The following TBC1D9 variants were observed in gnomAD, a reference collection of about 807,000 sequenced individuals.
TBC1D9 encodes the protein TBC1 domain family member 9A.
In TBC1D9, 63 loss-of-function variants were observed where a neutral mutation model predicts 132.0. The observed-to-expected ratio is 0.48, with a 90% CI of 0.39 to 0.59. The LOEUF (loss-of-function observed/expected upper bound fraction) is 0.59. TBC1D9 is among the 20% of genes least tolerant of loss of function. TBC1D9 has a pLI of 0.00. For synonymous variants in TBC1D9, 610 were observed against 609.9 expected (o/e 1.00, Z 0.00); for missense variants, 1,261 against 1,592.7 (o/e 0.79, Z 3.54).
At chr4:140,642,675 C>T in intron 13 of TBC1D9, 1 of 677,888 alleles carries the variant, frequency 1.5e-6, no homozygotes, top group South Asian at 1.9e-5. Context: ...CTCTCCCTGG[C>T]TTTCCCTGTT....
chr4:140,677,932 C>T (rs538562328), intron 5 of TBC1D9, among the ~76,000 whole-genome samples: 1 of 152,156 alleles, frequency 6.6e-6, no homozygotes, highest in Admixed American at 6.5e-5. Flanking sequence ...TCTCTATGTC[C>T]CTTCCTGTCT....
intron 2 of TBC1D9, among the ~76,000 whole-genome samples, chr4:140,693,632 G>A (rs1013423195): frequency 2.0e-5 from 3 of 152,182 alleles, no homozygotes; most frequent in Admixed American, 6.6e-5. Flanking sequence ...ATCATAAGCA[G>A]CAGAACACAA....
chr4:140,724,346 C>T (rs983852358), intron 1 of TBC1D9, among the ~76,000 whole-genome samples: 16 of 152,150 alleles, frequency 1.1e-4, no homozygotes, highest in Non-Finnish European at 2.1e-4. Context: ...AGCACCAGCT[C>T]CCTGAAGCTA....
intron 2 of TBC1D9, among the ~76,000 whole-genome samples, chr4:140,694,074 T>A (rs527932408): frequency 7.2e-5 from 11 of 152,224 alleles, no homozygotes; most frequent in Non-Finnish European, 1.3e-4. Context: ...GCTATTTTAA[T>A]TATATGTATA....
At chr4:140,634,414 G>T (rs912307464) in intron 15 of TBC1D9, among the ~76,000 whole-genome samples, 1 of 152,088 alleles carries the variant, frequency 6.6e-6, no homozygotes, top group South Asian at 2.1e-4. Context: ...CATCTGGAAG[G>T]TCTGCTTCAA....
At chr4:140,727,806 TAA>T (rs879885577) in intron 1 of TBC1D9, among the ~76,000 whole-genome samples, 4 of 144,350 alleles carry the variant, frequency 2.8e-5, no homozygotes, top group Admixed American at 7.0e-5. Flanking sequence ...GCCAGGAAGT[TAA>T]AAAAAAAAAG....
chr4:140,737,111 G>T (rs191811876), intron 1 of TBC1D9, among the ~76,000 whole-genome samples: 2 of 152,098 alleles, frequency 1.3e-5, no homozygotes, highest in African/African-American at 4.8e-5. Flanking sequence ...CCTTGCATGC[G>T]CAGTGCACAG....
rs968968343 is a variant in TBC1D9 at position 140,737,771 on chromosome 4, C to T, written c.130+18145G>A. Among the ~76,000 whole-genome samples, 6 of 152,154 alleles carry T rather than the reference C, an allele frequency of 3.9e-5. No homozygotes were observed. In the South Asian group the frequency reaches 1.0e-3, roughly 26 times the overall value. On this transcript the variant is annotated intron_variant, in intron 1 of 20. Transcript: ENST00000442267. ...AGCACAATACTAAATCCCTGAAAAT[C>T]GCTTTGGTGGAAAATTTGGAGTTGA...
chr4:140,667,313 G>T (rs1737463311), intron 9 of TBC1D9, among the ~76,000 whole-genome samples: 1 of 152,188 alleles, frequency 6.6e-6, no homozygotes, highest in African/African-American at 2.4e-5. Context: ...TTATCTCTGA[G>T]ATAGGGCTGT....
chr4:140,698,750 G>C (rs1283339773), intron 2 of TBC1D9, among the ~76,000 whole-genome samples: 1 of 150,392 alleles, frequency 6.6e-6, no homozygotes. Flanking sequence ...GGGTGGGGGG[G>C]GGAAAGACAT....
At chr4:140,661,769 A>C (rs1161994407) in intron 10 of TBC1D9, 124 bp downstream of exon 10, 8 of 782,984 alleles carry the variant, frequency 1.0e-5, no homozygotes, top group Non-Finnish European at 2.1e-6. Flanking sequence ...CAACAGTGCC[A>C]AGGTTGAGAG....
At chr4:140,689,009 C>T (rs1432769936) in intron 2 of TBC1D9, among the ~76,000 whole-genome samples, 2 of 152,018 alleles carry the variant, frequency 1.3e-5, no homozygotes, top group East Asian at 1.9e-4. Flanking sequence ...GCCATGAATC[C>T]TCCACCCGAT....
In TBC1D9 at chr4:140,715,256, C is replaced by T. The variant is rs186794532; in HGVS notation, c.131-13642G>A. Among the ~76,000 whole-genome samples, 4 of 152,304 alleles carry T rather than the reference C, an allele frequency of 2.6e-5. No homozygotes were observed. The East Asian group carries it at 5.8e-4, about 22-fold the overall frequency. The stretch of plus-strand genomic sequence containing the variant: ...GAGTATAATGAGGCATGTCTGACCC[C>T]CCTTTCTCATCACGGCCTGAACTAG... On this transcript the variant is annotated intron_variant, in intron 1 of 20. Transcript: ENST00000442267.
At chr4:140,637,775 T>C (rs1039045097) in intron 15 of TBC1D9, among the ~76,000 whole-genome samples, 2 of 152,152 alleles carry the variant, frequency 1.3e-5, no homozygotes, top group Non-Finnish European at 2.9e-5. Context: ...GGGGTGCCAC[T>C]GTCCACTCTG....
intron 1 of TBC1D9, among the ~76,000 whole-genome samples, chr4:140,720,202 G>C (rs1486473203): frequency 6.6e-6 from 1 of 152,200 alleles, no homozygotes; most frequent in Non-Finnish European, 1.5e-5. Flanking sequence ...AATAGCAAGG[G>C]AGTGCTTGAA....
chr4:140,675,455 A>G (rs2111014419), intron 6 of TBC1D9, among the ~76,000 whole-genome samples: 1 of 152,270 alleles, frequency 6.6e-6, no homozygotes, highest in South Asian at 2.1e-4. Context: ...AGGTCAGGTT[A>G]GAAACTGCAG....
intron 15 of TBC1D9, among the ~76,000 whole-genome samples, 191 bp downstream of exon 15, chr4:140,638,895 A>G (rs1736920693): frequency 6.6e-6 from 1 of 152,246 alleles, no homozygotes; most frequent in Non-Finnish European, 1.5e-5. Context: ...AGTGCAAGGT[A>G]ACTAAAACAT....
intron 18 of TBC1D9, among the ~76,000 whole-genome samples, chr4:140,627,047 C>T (rs893308663): frequency 6.6e-6 from 1 of 152,216 alleles, no homozygotes; most frequent in Admixed American, 6.5e-5. Flanking sequence ...ATTTGGCCCA[C>T]GGGCTATAGT....
intron 1 of TBC1D9, among the ~76,000 whole-genome samples, chr4:140,745,425 T>C (rs532928794): frequency 5.2e-4 from 79 of 152,350 alleles, no homozygotes; most frequent in African/African-American, 1.8e-3. Flanking sequence ...CACAGGGATT[T>C]TCTTCAGCCT....
Sources: gnomAD v4.1 joint callset for allele counts (sites outside exome capture counted in the v4.1 genomes callset) on GRCh38, gnomAD v4.1.1 for gene constraint, MANE v1.5 for transcripts, NCBI Gene and HGNC (gene_info 2026-07-23, HGNC 2026-07-21) for gene names.